Variants in MYO9A observed in about 807,000 individuals in gnomAD.
MYO9A encodes unconventional myosin-IXa.
In MYO9A, 103 loss-of-function variants were observed where a neutral mutation model predicts 293.3. The ratio of observed to expected loss-of-function variants is 0.35; its 90% CI spans 0.30 to 0.41. The LOEUF (loss-of-function observed/expected upper bound fraction) is 0.41, where lower values mean the gene tolerates loss of function less well. MYO9A is among the 10% of genes least tolerant of loss of function. The pLI, the probability that MYO9A is intolerant of heterozygous loss-of-function variation, is 1.00. For missense variants in MYO9A, 2,685 were observed against 3,033.0 expected, an observed-to-expected ratio of 0.89 and a Z score of 2.69; for synonymous variants, 1,001 against 1,035.7, an observed-to-expected ratio of 0.97 and a Z score of 0.64.
intron 9 of MYO9A, among the ~76,000 whole-genome samples, chr15:71,996,885 GT>G (rs2076713784): frequency 6.6e-6 from 1 of 151,854 alleles, no homozygotes; most frequent in Non-Finnish European, 1.5e-5. Context: ...CCTCATAAGT[GT>G]AGGCAGAACT....
At chr15:71,850,738 C>T (rs1209053433) in intron 37 of MYO9A, among the ~76,000 whole-genome samples, 1 of 125,294 alleles carries the variant, frequency 8.0e-6, no homozygotes, top group African/African-American at 3.1e-5. Flanking sequence ...TGCACTCCGG[C>T]CTGGGTGACA....
At chr15:71,960,594 G>A (rs922391134) in intron 13 of MYO9A, among the ~76,000 whole-genome samples, 4 of 152,192 alleles carry the variant, frequency 2.6e-5, no homozygotes, top group Non-Finnish European at 5.9e-5. Context: ...CAAGTGACAT[G>A]TTTGAACAGT....
At chr15:71,913,010 GT>G (rs879819244) in intron 19 of MYO9A, among the ~76,000 whole-genome samples, 269 of 143,240 alleles carry the variant, frequency 1.9e-3, no homozygotes, top group Middle Eastern at 0.011. Context: ...GATCTCCGTA[GT>G]TTTTTTTTTT....
At chr15:72,105,082 A>G (rs1450153521) in intron 1 of MYO9A, among the ~76,000 whole-genome samples, 2 of 152,206 alleles carry the variant, frequency 1.3e-5, no homozygotes, top group Non-Finnish European at 2.9e-5. Flanking sequence ...ATACCAAAAT[A>G]TATCTACTGT....
At chr15:72,110,303 G>A (rs1200099670) in intron 1 of MYO9A, among the ~76,000 whole-genome samples, 2 of 151,840 alleles carry the variant, frequency 1.3e-5, no homozygotes, top group East Asian at 3.9e-4. Context: ...GGGCACGGTG[G>A]CAGGCACCTG....
intron 18 of MYO9A, among the ~76,000 whole-genome samples, chr15:71,931,383 T>G (rs2058470560): frequency 2.0e-5 from 3 of 152,214 alleles, no homozygotes. Context: ...AGTACTATGG[T>G]TGGCAGGTCT....
intron 8 of MYO9A, among the ~76,000 whole-genome samples, chr15:72,006,930 A>T (rs2077034091): frequency 6.6e-6 from 1 of 152,220 alleles, no homozygotes; most frequent in South Asian, 2.1e-4. Flanking sequence ...ACCACTATAC[A>T]TGTATACTGG....
chr15:71,881,696 T>A (rs1029513576), intron 28 of MYO9A, among the ~76,000 whole-genome samples: 3 of 152,150 alleles, frequency 2.0e-5, no homozygotes, highest in Admixed American at 6.5e-5. Context: ...TTTTTCCAAA[T>A]ATAAATAAAA....
At chr15:72,089,349 A>C (rs1162077830) in intron 1 of MYO9A, among the ~76,000 whole-genome samples, 1 of 151,888 alleles carries the variant, frequency 6.6e-6, no homozygotes, top group Non-Finnish European at 1.5e-5. Flanking sequence ...TTTTTTGTAG[A>C]GACAGTTTCA....
intron 1 of MYO9A, among the ~76,000 whole-genome samples, chr15:72,074,961 T>C (rs1201606108): frequency 1.5e-5 from 2 of 132,886 alleles, no homozygotes; most frequent in Non-Finnish European, 3.2e-5. Flanking sequence ...CTTTTTTTTT[T>C]TTTTTTTTTT....
chr15:72,058,309 G>A (rs951163817), intron 1 of MYO9A, among the ~76,000 whole-genome samples: 1 of 152,094 alleles, frequency 6.6e-6, no homozygotes, highest in African/African-American at 2.4e-5. Context: ...TTAAAACACT[G>A]GGCTTTTGGG....
chr15:71,916,486 G>T lies in MYO9A; in HGVS notation c.2569C>A (p.Leu857Ile). The change falls in exon 19 of 42, where the codon CTA (leucine) becomes ATA (isoleucine). Residue 857 changes from leucine to isoleucine, a missense_variant. Physicochemically the swap from Leu to Ile is conservative, Grantham distance 5 (BLOSUM62 2). Around this residue, in one of 10 missense-constraint regions of MYO9A, gnomAD observed 1,434 missense variants for 1,497.7 expected, o/e 0.96. Transcript: ENST00000356056. ...AGGTGCTTTAAAGAATTTACTTCTAGCAAGTGCTGAAAGAAGAGAAAAAAT... is the reference window on the plus strand; with the variant it reads ...AGGTGCTTTAAAGAATTTACTTCTATCAAGTGCTGAAAGAAGAGAAAAAAT... ...KSKPALPKHLLEVNSLKHLTR... is the reference protein window; with the variant it reads ...KSKPALPKHLIEVNSLKHLTR... 1.2e-6 allele frequency: 2 copies of T among 1,602,216 alleles called. No homozygotes were observed. Among genetic ancestry groups the T allele is most frequent in the Non-Finnish European group, 1.7e-6 (2 of 1,176,958 alleles).
chr15:71,971,054 G>T (rs929898560), intron 12 of MYO9A, among the ~76,000 whole-genome samples: 1 of 151,764 alleles, frequency 6.6e-6, no homozygotes. Flanking sequence ...CCAGCTGCTC[G>T]GGAGGCTGAG....
At chr15:71,991,657 T>C (rs1246315229) in intron 10 of MYO9A, among the ~76,000 whole-genome samples, 2 of 152,252 alleles carry the variant, frequency 1.3e-5, no homozygotes, top group African/African-American at 2.4e-5. Flanking sequence ...CTATTTCGAC[T>C]TCTACATCCC....
At chr15:71,966,246 C>T (rs2075871356) in intron 13 of MYO9A, among the ~76,000 whole-genome samples, 1 of 141,032 alleles carries the variant, frequency 7.1e-6, no homozygotes, top group Non-Finnish European at 1.5e-5. Context: ...TCTGATAACG[C>T]AGATGAATAT....
intron 26 of MYO9A, among the ~76,000 whole-genome samples, chr15:71,888,844 C>A (rs1217386780): frequency 6.6e-6 from 1 of 152,110 alleles, no homozygotes; most frequent in Non-Finnish European, 1.5e-5. Flanking sequence ...GCCTTATTAA[C>A]AGAAAGAGGA....
At chr15:71,883,523 A>G (rs1489099603) in intron 28 of MYO9A, 71 bp downstream of exon 28, 1 of 1,497,230 alleles carries the variant, frequency 6.7e-7, no homozygotes, top group East Asian at 2.3e-5. Flanking sequence ...TGAATACTAC[A>G]GGAATAGCAA....
intron 13 of MYO9A, among the ~76,000 whole-genome samples, chr15:71,964,761 G>A (rs897344741): frequency 6.6e-6 from 1 of 151,516 alleles, no homozygotes; most frequent in African/African-American, 2.4e-5. Context: ...CATTCCAGCC[G>A]GGTGACAGAG....
intron 33 of MYO9A, among the ~76,000 whole-genome samples, chr15:71,861,060 G>T (rs983255624): frequency 4.6e-4 from 64 of 138,290 alleles, no homozygotes; most frequent in African/African-American, 1.8e-3. Context: ...AGTTACAGAA[G>T]AAACTAAACC....
Sources: gnomAD v4.1 joint callset for allele counts (sites outside exome capture counted in the v4.1 genomes callset) on GRCh38, gnomAD v4.1.1 for gene constraint, gnomAD v4.1.1 regional missense constraint, MANE v1.5 for transcripts, NCBI Gene and HGNC (gene_info 2026-07-23, HGNC 2026-07-21) for gene names.